AKAP13: variants seen among roughly 807,000 people sequenced by gnomAD.
The protein encoded by AKAP13 is A-kinase anchor protein 13.
A neutral mutation model predicts 264.5 loss-of-function variants in AKAP13; 80 were observed. That is an observed-to-expected ratio of 0.30 (90% CI 0.25 to 0.36). The LOEUF is 0.36. Among genes scored for constraint, AKAP13 ranks in the 10% least tolerant of loss-of-function variants. The pLI is 1.00. For missense variants in AKAP13, 3,712 were observed against 3,435.2 expected, an observed-to-expected ratio of 1.08 and a Z score of -2.01; for synonymous variants, 1,380 against 1,250.2, an observed-to-expected ratio of 1.10 and a Z score of -2.19.
At chr15:85,443,433 C>G (rs1288336186) in intron 1 of AKAP13, among the ~76,000 whole-genome samples, 7 of 152,074 alleles carry the variant, frequency 4.6e-5, no homozygotes, top group Admixed American at 6.6e-5. Flanking sequence ...CAGGCAAGTC[C>G]ACTCACTTTC....
chr15:85,707,601 C>T (rs1293370857), intron 17 of AKAP13, among the ~76,000 whole-genome samples: 1 of 152,216 alleles, frequency 6.6e-6, no homozygotes, highest in Non-Finnish European at 1.5e-5. Flanking sequence ...TGATGGCAGA[C>T]ACTTTCACTT....
In AKAP13 at chr15:85,575,325, T is replaced by G. The variant is rs2151298194; in HGVS notation, c.857T>G (p.Leu286Arg). Residue 286 changes from leucine to arginine, a missense_variant, in exon 6 of 37, where the codon CTA becomes CGA. Leu to Arg is a moderately radical substitution (Grantham distance 102). This residue lies in a region of AKAP13 where 2,759 missense variants were observed against 2,411.7 expected (regional missense o/e 1.14). Transcript: ENST00000394518. ...IFKLMNIQQQ[L>R]MKTNLKQMDS... is the part of the protein sequence containing the mutation. ...AAACTTATGAACATCCAACAGCAAC[T>G]AATGGTAAGTCAGAAAGCTTTTATT... 6.2e-7 allele frequency: 1 copy of G among 1,613,980 alleles called. No individual in the cohort carries two copies. Among genetic ancestry groups the G allele is most frequent in the Admixed American group, 1.7e-5 (1 of 60,032 alleles).
intron 1 of AKAP13, among the ~76,000 whole-genome samples, chr15:85,432,724 G>A (rs1049770729): frequency 6.6e-6 from 1 of 152,166 alleles, no homozygotes; most frequent in Non-Finnish European, 1.5e-5. Context: ...GATCCTGGCA[G>A]TGTTGCTATG....
At chr15:85,545,078 T>C (rs1420370924) in intron 5 of AKAP13, among the ~76,000 whole-genome samples, 2 of 152,212 alleles carry the variant, frequency 1.3e-5, no homozygotes, top group African/African-American at 2.4e-5. Context: ...TGATGGGTGC[T>C]ACAGATACAG....
chr15:85,546,972 G>A (rs6496086), intron 5 of AKAP13, among the ~76,000 whole-genome samples: 48,943 of 151,882 alleles, frequency 0.32, 7,954 homozygotes, highest in South Asian at 0.43. Flanking sequence ...TCGAACTTCT[G>A]ACCTCGTGAT....
At chr15:85,603,508 T>A (rs750365737) in intron 8 of AKAP13, among the ~76,000 whole-genome samples, 2 of 152,262 alleles carry the variant, frequency 1.3e-5, no homozygotes, top group Non-Finnish European at 2.9e-5. Context: ...CCACTTTGTC[T>A]AGCCCATGTT....
intron 3 of AKAP13, among the ~76,000 whole-genome samples, chr15:85,526,311 G>A (rs1343119565): frequency 6.6e-6 from 1 of 152,018 alleles, no homozygotes; most frequent in Non-Finnish European, 1.5e-5. Flanking sequence ...CCAGGCTGAA[G>A]TGCAGTGGCA....
intron 1 of AKAP13, among the ~76,000 whole-genome samples, chr15:85,442,687 A>G (rs2073751593): frequency 6.6e-6 from 1 of 151,416 alleles, no homozygotes; most frequent in South Asian, 2.1e-4. Flanking sequence ...ATGAAGAAAA[A>G]ACTTTCTTCC....
chr15:85,653,439 T>G (rs1355742100), intron 10 of AKAP13, among the ~76,000 whole-genome samples: 1 of 152,144 alleles, frequency 6.6e-6, no homozygotes, highest in African/African-American at 2.4e-5. Context: ...TCCCATACAT[T>G]ACTTAAAAAA....
rs1449462669 is a variant in AKAP13, at chr15:85,662,453, G to A, written c.4800-2110G>A. 7 of 1,614,026 alleles carry A rather than the reference G, an allele frequency of 4.3e-6. No individual in the cohort carries two copies. In the African/African-American group the frequency reaches 9.3e-5, roughly 22 times the overall value. Reference sequence around the variant, plus strand: ...CTGAGTGCTGACTTTAATTACAGAAGGTATGATATTGTTATGTGTCCCGCC... The same window carrying A: ...CTGAGTGCTGACTTTAATTACAGAAAGTATGATATTGTTATGTGTCCCGCC... On this transcript the variant is annotated intron_variant, in intron 12 of 36. Transcript: ENST00000394518.
Position 85,575,215 on chromosome 15 carries a change from G to C in AKAP13, c.747G>C (p.Glu249Asp). The change falls in exon 6 of 37, where the codon GAG becomes GAC. Residue 249 changes from glutamate (E) to aspartate (D), a missense_variant. Physicochemically the swap from Glu to Asp is conservative, Grantham distance 45. This residue lies in a region of AKAP13 where 2,759 missense variants were observed against 2,411.7 expected (regional missense o/e 1.14). Coordinates refer to ENST00000394518, the MANE Select transcript of AKAP13 (RefSeq NM_007200.5). ...YGDCSVRHHR[E>D]LDIYTLTSES... is the part of the protein sequence containing the mutation. The stretch of plus-strand genomic sequence containing the variant: ...ACTGTTCTGTGAGGCATCATCGAGA[G>C]TTGGACATCTATACATTAACCTCTG... 1 of 1,614,142 alleles carries C rather than the reference G, an allele frequency of 6.2e-7. No individual in the cohort carries two copies. Among genetic ancestry groups the C allele is most frequent in the Non-Finnish European group, 8.5e-7 (1 of 1,180,028 alleles).
intron 1 of AKAP13, among the ~76,000 whole-genome samples, chr15:85,467,075 TAC>T (rs3054059): frequency 0.32 from 47,408 of 149,212 alleles, 7,757 homozygotes; most frequent in African/African-American, 0.41. Context: ...TTGTATTAAC[TAC>T]ACACACACAC....
intron 30 of AKAP13, among the ~76,000 whole-genome samples, chr15:85,732,730 G>C (rs2088144115): frequency 6.7e-6 from 1 of 149,312 alleles, no homozygotes; most frequent in Non-Finnish European, 1.5e-5. Context: ...ACTCATAACT[G>C]TTAGTAATAC....
intron 2 of AKAP13, among the ~76,000 whole-genome samples, chr15:85,516,215 T>TA (rs1482115293): frequency 2.6e-5 from 4 of 152,220 alleles, no homozygotes; most frequent in African/African-American, 7.2e-5. Flanking sequence ...TATTGAATAT[T>TA]ATGTGCCAGG....
chr15:85,434,604 C>T (rs1471527723), intron 1 of AKAP13, among the ~76,000 whole-genome samples: 2 of 151,834 alleles, frequency 1.3e-5, no homozygotes, highest in East Asian at 1.9e-4. Flanking sequence ...GTGGTTCTCC[C>T]AGCACGCAGC....
intron 1 of AKAP13, among the ~76,000 whole-genome samples, chr15:85,422,818 A>T (rs1471305921): frequency 2.0e-5 from 3 of 152,222 alleles, no homozygotes; most frequent in East Asian, 3.8e-4. Flanking sequence ...TGTGAAAAAC[A>T]GTTGCATGGC....
chr15:85,521,368 A>G, intron 2 of AKAP13, 60 bp from the exon 3 acceptor site: 1 of 1,574,740 alleles, frequency 6.4e-7, no homozygotes, highest in Non-Finnish European at 8.7e-7. Context: ...TGTTTGATAA[A>G]GATAGGCTGC....
In AKAP13 at chr15:85,543,856, G is replaced by T. The variant is rs774109201; in HGVS notation, c.563G>T (p.Gly188Val). The change falls in exon 5 of 37, where the codon GGT becomes GTT. Residue 188 changes from glycine to valine, a missense_variant. This residue lies in a region of AKAP13 where 2,759 missense variants were observed against 2,411.7 expected (regional missense o/e 1.14). Coordinates refer to ENST00000394518, the MANE Select transcript of AKAP13 (RefSeq NM_007200.5). ...RLTWFLLQKP[G>V]GRGALSIHNQ... ...ACGTGGTTCCTGTTGCAGAAGCCAG[G>T]TGGCCGCGGAGCTCTCAGTATCCAC... The T allele has an allele frequency of 1.2e-6, 2 of 1,614,162 alleles. No individual in the cohort carries two copies. Among genetic ancestry groups the T allele is most frequent in the South Asian group, 2.2e-5 (2 of 91,074 alleles).
At chr15:85,716,301 A>C (rs1488699649) in intron 20 of AKAP13, among the ~76,000 whole-genome samples, 1 of 152,216 alleles carries the variant, frequency 6.6e-6, no homozygotes, top group African/African-American at 2.4e-5. Context: ...TCTGTTGTTC[A>C]AGTAAACCTG....
Sources: allele counts gnomAD v4.1 joint callset (sites outside exome capture counted in the v4.1 genomes callset), GRCh38; gene constraint gnomAD v4.1.1; regional missense constraint gnomAD v4.1.1; transcripts MANE v1.5; gene names NCBI Gene and HGNC (gene_info 2026-07-23, HGNC 2026-07-21).